SHROOM3: variants seen among roughly 807,000 people sequenced by gnomAD.
The protein encoded by SHROOM3 is shroom family member 3, also known as protein Shroom3.
SHROOM3 carries 47 observed loss-of-function variants against 138.6 expected under a neutral mutation model. That is an observed-to-expected ratio of 0.34 (90% CI 0.27 to 0.43). SHROOM3 has a LOEUF of 0.43. Ranked by LOEUF, SHROOM3 falls within the 20% of genes least tolerant of loss-of-function variation. The pLI, the probability that SHROOM3 is intolerant of heterozygous loss-of-function variation, is 1.00. For synonymous variants in SHROOM3, 1,062 were observed against 1,063.3 expected (o/e 1.00, Z 0.02); for missense variants, 2,491 against 2,596.5 (o/e 0.96, Z 0.88).
At position 76,740,757 on chromosome 4, in the gene SHROOM3, C is replaced by A; in HGVS notation, c.2584C>A (p.Pro862Thr). The change falls in exon 5 of 11, where the codon CCC becomes ACC. Residue 862 changes from proline (P) to threonine (T), a missense_variant. Pro to Thr is a conservative substitution (Grantham distance 38, BLOSUM62 -1). Transcript: ENST00000296043. The surrounding 1 kb of genome is among the most constrained non-coding windows in gnomAD (Gnocchi z 4.0). The stretch of plus-strand genomic sequence containing the variant: ...GAAGTTGGAAGAGGCTTCCCGGCAG[C>A]CCTGCGGTCAGCAGCTGAGCGGAGG... ...ELKLEEASRQPCGQQLSGGAS... is the reference protein window; with the variant it reads ...ELKLEEASRQTCGQQLSGGAS... 1 of 1,612,992 alleles carries A rather than the reference C, an allele frequency of 6.2e-7. No individual in the cohort carries two copies. Among genetic ancestry groups the A allele is most frequent in the South Asian group, 1.1e-5 (1 of 91,082 alleles).
intron 2 of SHROOM3, among the ~76,000 whole-genome samples, chr4:76,703,001 G>A (rs1042850741): frequency 6.6e-6 from 1 of 152,154 alleles, no homozygotes; most frequent in Non-Finnish European, 1.5e-5. Flanking sequence ...TATGCTGAAT[G>A]TTACTGGGGT....
At chr4:76,670,755 C>G (rs1718855144) in intron 2 of SHROOM3, among the ~76,000 whole-genome samples, 1 of 152,012 alleles carries the variant, frequency 6.6e-6, no homozygotes, top group Non-Finnish European at 1.5e-5. Flanking sequence ...GGAACTTAGA[C>G]CACCCTGGGC....
At chr4:76,479,124 G>A (rs1731549295) in intron 1 of SHROOM3, among the ~76,000 whole-genome samples, 1 of 152,006 alleles carries the variant, frequency 6.6e-6, no homozygotes, top group Non-Finnish European at 1.5e-5. Context: ...ACTGGATGGA[G>A]AATGAGTTTG....
rs1312093749 is a variant in SHROOM3, at chr4:76,435,544, G to C, written c.-509G>C. 1 of 152,294 alleles carries C rather than the reference G, an allele frequency of 6.6e-6. No homozygotes were observed. Among genetic ancestry groups the C allele is most frequent in the East Asian group, 1.9e-4 (1 of 5,204 alleles). The allele number at this position is 152,294 out of a possible 1,614,324, so 9.4% of individuals were successfully genotyped here. A position where few individuals can be genotyped will look rare whatever the true frequency, so the allele number is the denominator to read the frequency against. ...TTTCTTTCTTTTTAAGCTACTTCTG[G>C]GGAGGGAGGAGGCTATTGTAATGGT... On this transcript the variant is annotated 5_prime_UTR_variant, in exon 1 of 11. Coordinates refer to ENST00000296043, the MANE Select transcript of SHROOM3 (RefSeq NM_020859.4).
chr4:76,493,282 G>A (rs1167487917), intron 1 of SHROOM3, among the ~76,000 whole-genome samples: 1 of 149,960 alleles, frequency 6.7e-6, no homozygotes, highest in Admixed American at 6.6e-5. Flanking sequence ...GATAAACAAG[G>A]ATTTTATTTT....
intron 2 of SHROOM3, among the ~76,000 whole-genome samples, chr4:76,660,814 G>GT (rs1325154576): frequency 1.3e-5 from 2 of 151,356 alleles, no homozygotes; most frequent in East Asian, 3.9e-4. Flanking sequence ...TGGTTATTTT[G>GT]TTTTTTGAGA....
chr4:76,667,121 T>C (rs1190022118), intron 2 of SHROOM3, among the ~76,000 whole-genome samples: 2 of 152,178 alleles, frequency 1.3e-5, no homozygotes, highest in South Asian at 2.1e-4. Flanking sequence ...GTTTCAGTTT[T>C]ACAACTTCGT....
At chr4:76,593,010 A>G (rs557062860) in intron 2 of SHROOM3, among the ~76,000 whole-genome samples, 1 of 152,260 alleles carries the variant, frequency 6.6e-6, no homozygotes, top group Admixed American at 6.5e-5. Context: ...AACCTGAGGG[A>G]CTTGGGTCAT....
In SHROOM3 at chr4:76,708,638, A is replaced by G. The variant is rs192569686; in HGVS notation, c.324-1518A>G. ...GTATTGGATGGCGAGGTATCTTTCA[A>G]TCTACTTTCTAGTCACCGATTGTTC... On this transcript the variant is annotated intron_variant, in intron 2 of 10. Transcript: ENST00000296043. 2.4e-3 allele frequency among the ~76,000 whole-genome samples: 363 copies of G among 152,282 alleles called. 1 individual carries two copies. Among genetic ancestry groups the G allele is most frequent in the African/African-American group, 8.4e-3 (351 of 41,558 alleles).
intron 2 of SHROOM3, among the ~76,000 whole-genome samples, chr4:76,666,366 T>C (rs191527406): frequency 1.3e-5 from 2 of 152,352 alleles, no homozygotes; most frequent in Admixed American, 6.5e-5. Flanking sequence ...CCTCCAGGTC[T>C]CAAATGATCC....
At chr4:76,706,365 G>A (rs1720052557) in intron 2 of SHROOM3, among the ~76,000 whole-genome samples, 1 of 152,096 alleles carries the variant, frequency 6.6e-6, no homozygotes, top group South Asian at 2.1e-4. Context: ...CACCCACCTC[G>A]GCCTCCGAAA....
chr4:76,608,743 T>TAGCAC lies in SHROOM3; in HGVS notation c.323+52983_323+52987dup, dbSNP rs1553928262. ...CAGCACAGCACAGCATAGCATAGCA[T>TAGCAC]AGCACAGTGTCAGGTTAGAAGGCCT... On this transcript the variant is annotated intron_variant, in intron 2 of 10. Coordinates refer to ENST00000296043, the MANE Select transcript of SHROOM3 (RefSeq NM_020859.4). 2.3e-3 allele frequency among the ~76,000 whole-genome samples: 295 copies of TAGCAC among 130,492 alleles called. 32 individuals carry two copies. Among genetic ancestry groups the TAGCAC allele is most frequent in the Middle Eastern group, 3.7e-3 (1 of 272 alleles). 85.6% of individuals were successfully genotyped at this position (130,492 alleles called of 152,430 possible).
At chr4:76,442,059 C>T (rs1210772592) in intron 1 of SHROOM3, among the ~76,000 whole-genome samples, 1 of 152,192 alleles carries the variant, frequency 6.6e-6, no homozygotes, top group Non-Finnish European at 1.5e-5. Flanking sequence ...TATAAAGGTC[C>T]TATAAAGGTA....
intron 1 of SHROOM3, among the ~76,000 whole-genome samples, chr4:76,543,493 C>G (rs563210658): frequency 6.6e-6 from 1 of 150,998 alleles, no homozygotes; most frequent in Admixed American, 6.6e-5. Context: ...TTGTATCAGT[C>G]AGAAGATACC....
In SHROOM3 at chr4:76,754,516, G is replaced by A; in HGVS notation, c.4033G>A (p.Asp1345Asn). ...PLAGTQGLVT[D>N]TRAAPLTPIG... Reference sequence around the variant, plus strand: ...GGCAGGAACGCAAGGGCTGGTCACAGACACCAGGGCTGCACCCCTGACCCC... The same window carrying A: ...GGCAGGAACGCAAGGGCTGGTCACAAACACCAGGGCTGCACCCCTGACCCC... Residue 1345 changes from aspartate (D) to asparagine (N), a missense_variant, in exon 7 of 11, where the codon GAC becomes AAC. By Grantham distance (23) the Asp-to-Asn change is conservative. Around this residue, in one of 4 missense-constraint regions of SHROOM3, gnomAD observed 1,733 missense variants for 1,661.6 expected, o/e 1.04. Coordinates refer to ENST00000296043, the MANE Select transcript of SHROOM3 (RefSeq NM_020859.4). 3 of 1,613,948 alleles carry A rather than the reference G, an allele frequency of 1.9e-6. No homozygotes were observed. The highest frequency in any genetic ancestry group is 2.5e-6 in the Non-Finnish European group (3 of 1,179,892).
intron 2 of SHROOM3, among the ~76,000 whole-genome samples, chr4:76,694,373 T>G (rs1170621522): frequency 1.4e-5 from 2 of 142,992 alleles, no homozygotes; most frequent in Non-Finnish European, 3.1e-5. Context: ...TTGTTTTTTT[T>G]TGTGTTTTGT....
chr4:76,693,805 G>A (rs1038885463), intron 2 of SHROOM3, among the ~76,000 whole-genome samples: 1 of 141,662 alleles, frequency 7.1e-6, no homozygotes, highest in Admixed American at 7.3e-5. Context: ...GAGGAACTAC[G>A]CACTAGGCAA....
chr4:76,509,451 G>A (rs6833686), intron 1 of SHROOM3: 45,134 of 151,986 alleles, frequency 0.3, 7,557 homozygotes, highest in African/African-American at 0.44. Flanking sequence ...CTTTGGGGGC[G>A]TCCAGGTCAG....
intron 3 of SHROOM3, among the ~76,000 whole-genome samples, chr4:76,712,456 A>G (rs889065746): frequency 6.6e-6 from 1 of 152,226 alleles, no homozygotes. Context: ...CAATTAAAAT[A>G]TTTTATAAAA....
Sources: allele counts gnomAD v4.1 joint callset (sites outside exome capture counted in the v4.1 genomes callset), GRCh38; gene constraint gnomAD v4.1.1; regional missense constraint gnomAD v4.1.1; non-coding constraint Gnocchi (gnomAD v3.1); transcripts MANE v1.5; gene names NCBI Gene and HGNC (gene_info 2026-07-23, HGNC 2026-07-21).